PDE4D: variants seen among roughly 807,000 people sequenced by gnomAD.
The protein encoded by PDE4D is phosphodiesterase 4D.
Under a neutral mutation model 87.4 loss-of-function variants are expected in PDE4D, and 24 were observed. The ratio of observed to expected loss-of-function variants is 0.27; its 90% CI spans 0.20 to 0.39. The LOEUF is 0.39. Ranked by LOEUF, PDE4D falls within the 10% of genes least tolerant of loss-of-function variation. PDE4D has a pLI of 1.00. For missense variants in PDE4D, 714 were observed against 1,041.0 expected, an observed-to-expected ratio of 0.69 and a Z score of 4.32; for synonymous variants, 384 against 383.2, an observed-to-expected ratio of 1.00 and a Z score of -0.02.
chr5:60,051,856 G>T (rs952434285), intron 2 of PDE4D, among the ~76,000 whole-genome samples: 13 of 151,900 alleles, frequency 8.6e-5, no homozygotes, highest in African/African-American at 3.1e-4. Context: ...TGATAAAGGG[G>T]ATATCACCAC....
chr5:59,894,310 G>A (rs936420971), upstream of PDE4D, among the ~76,000 whole-genome samples: 1 of 152,178 alleles, frequency 6.6e-6, no homozygotes, highest in African/African-American at 2.4e-5. Flanking sequence ...GCTTGTTGAC[G>A]ATGAGCCCCA....
At chr5:60,291,340 C>G (rs1269763831) in intron 1 of PDE4D, among the ~76,000 whole-genome samples, 1 of 152,022 alleles carries the variant, frequency 6.6e-6, no homozygotes, top group East Asian at 1.9e-4. Flanking sequence ...ATCCGCTATC[C>G]AGGTAATAAA....
intron 6 of PDE4D, among the ~76,000 whole-genome samples, chr5:59,013,157 G>A (rs1477664013): frequency 6.6e-6 from 1 of 152,208 alleles, no homozygotes; most frequent in Admixed American, 6.5e-5. Context: ...GCAGTGTGTA[G>A]AGGGAAATTT....
intron 1 of PDE4D, among the ~76,000 whole-genome samples, chr5:60,318,595 T>C (rs2149833283): frequency 6.6e-6 from 1 of 152,350 alleles, no homozygotes; most frequent in African/African-American, 2.4e-5. Context: ...GTCTTTACAA[T>C]TTGGCATGTT....
intron 1 of PDE4D, among the ~76,000 whole-genome samples, chr5:59,832,818 C>T (rs1254862235): frequency 6.6e-6 from 1 of 152,030 alleles, no homozygotes; most frequent in African/African-American, 2.4e-5. Context: ...TATGTCTTCA[C>T]TTTTAAAGTG....
chr5:59,375,936 A>G (rs1238889548), intron 1 of PDE4D, among the ~76,000 whole-genome samples: 2 of 152,172 alleles, frequency 1.3e-5, no homozygotes, highest in African/African-American at 4.8e-5. Context: ...AAGACAAAAA[A>G]CACATGATTA....
intron 2 of PDE4D, among the ~76,000 whole-genome samples, chr5:60,016,275 T>C (rs1348286812): frequency 6.6e-6 from 1 of 152,174 alleles, no homozygotes; most frequent in Non-Finnish European, 1.5e-5. Context: ...GTACACACTT[T>C]AGTTAAAAAT....
At chr5:60,076,830 G>T (rs1431697674) in intron 2 of PDE4D, among the ~76,000 whole-genome samples, 1 of 152,218 alleles carries the variant, frequency 6.6e-6, no homozygotes, top group African/African-American at 2.4e-5. Context: ...TGGCAACACA[G>T]CAGGGTGCAT....
chr5:59,745,010 G>A (rs1184605578), intron 1 of PDE4D, among the ~76,000 whole-genome samples: 1 of 152,178 alleles, frequency 6.6e-6, no homozygotes, highest in East Asian at 1.9e-4. Context: ...TTTATGTGAA[G>A]GGTAAAATCT....
chr5:59,145,272 T>C (rs1778464117), intron 5 of PDE4D, among the ~76,000 whole-genome samples: 1 of 152,124 alleles, frequency 6.6e-6, no homozygotes, highest in Admixed American at 6.5e-5. Flanking sequence ...CAAGTAAATA[T>C]TTGGGAAAGT....
chr5:60,279,261 C>A (rs1465178630), intron 1 of PDE4D, among the ~76,000 whole-genome samples: 1 of 152,112 alleles, frequency 6.6e-6, no homozygotes, highest in Non-Finnish European at 1.5e-5. Context: ...TTGTCTAGGC[C>A]TCCACGGACA....
At chr5:59,661,427 A>C (rs796227461) in intron 1 of PDE4D, among the ~76,000 whole-genome samples, 1 of 152,304 alleles carries the variant, frequency 6.6e-6, no homozygotes, top group African/African-American at 2.4e-5. Context: ...TAAAGTCAGC[A>C]GCATGTTGAC....
chr5:59,713,978 G>T (rs1330179705), intron 1 of PDE4D, among the ~76,000 whole-genome samples: 1 of 152,218 alleles, frequency 6.6e-6, no homozygotes, highest in Admixed American at 6.5e-5. Context: ...GGTGCAGGTG[G>T]GGTGCCTGAA....
At chr5:59,894,603 G>T (rs1751440949), upstream of PDE4D, among the ~76,000 whole-genome samples, 1 of 152,202 alleles carries the variant, frequency 6.6e-6, no homozygotes, top group African/African-American at 2.4e-5. Context: ...GAGCCCGCTG[G>T]CCAGAGTTAA....
At chr5:59,809,481 C>CTAGAA (rs1175284194) in intron 1 of PDE4D, among the ~76,000 whole-genome samples, 2 of 152,110 alleles carry the variant, frequency 1.3e-5, no homozygotes, top group Non-Finnish European at 2.9e-5. Flanking sequence ...GAAGACAGTA[C>CTAGAA]TAGAATAAAT....
At chr5:60,015,473 C>A (rs2152847984) in intron 2 of PDE4D, among the ~76,000 whole-genome samples, 1 of 152,310 alleles carries the variant, frequency 6.6e-6, no homozygotes, top group South Asian at 2.1e-4. Flanking sequence ...CCCACTTGCT[C>A]TCCCTGGGAA....
At chr5:59,872,300 C>CACACACACACAGA (rs10693446) in intron 1 of PDE4D, among the ~76,000 whole-genome samples, 2 of 146,862 alleles carry the variant, frequency 1.4e-5, no homozygotes, top group African/African-American at 5.2e-5. Flanking sequence ...CACACACACA[C>CACACACACACAGA]AAGAGCACAC....
chr5:60,425,974 C>T (rs1173382496), intron 1 of PDE4D, among the ~76,000 whole-genome samples: 1 of 152,150 alleles, frequency 6.6e-6, no homozygotes, highest in African/African-American at 2.4e-5. Context: ...CAAATCAAAA[C>T]CACAGTGAGA....
At chr5:60,514,023 T>C (rs541073493) in intron 1 of PDE4D, among the ~76,000 whole-genome samples, 2 of 151,488 alleles carry the variant, frequency 1.3e-5, no homozygotes, top group South Asian at 2.1e-4. Context: ...AAACATACAA[T>C]AAAGAATATC....
Sources: gnomAD v4.1 joint callset for allele counts (sites outside exome capture counted in the v4.1 genomes callset) on GRCh38, gnomAD v4.1.1 for gene constraint, MANE v1.5 for transcripts, NCBI Gene and HGNC (gene_info 2026-07-23, HGNC 2026-07-21) for gene names.